Variants in RNF43 observed in about 807,000 individuals in gnomAD.
The protein encoded by RNF43 is ring finger protein 43.
Under a neutral mutation model 78.4 loss-of-function variants are expected in RNF43, and 37 were observed. That is an observed-to-expected ratio of 0.47 (90% CI 0.36 to 0.62). The LOEUF (loss-of-function observed/expected upper bound fraction) is 0.62, where lower values mean the gene tolerates loss of function less well. Among genes scored for constraint, RNF43 ranks in the 20% least tolerant of loss-of-function variants. The probability of loss-of-function intolerance (pLI) is 0.00; values close to 1 mark genes in which losing one functional copy is unlikely to be tolerated. For synonymous variants in RNF43, 347 were observed against 395.0 expected, an observed-to-expected ratio of 0.88 and a Z score of 1.44; for missense variants, 774 against 1,007.9, an observed-to-expected ratio of 0.77 and a Z score of 3.14.
chr17:58,385,084 C>G (rs1376482809), intron 2 of RNF43, among the ~76,000 whole-genome samples: 2 of 152,178 alleles, frequency 1.3e-5, no homozygotes, highest in Non-Finnish European at 2.9e-5. Context: ...TAATACTATT[C>G]TAGTTCTTCC....
At chr17:58,367,815 G>A (rs979641717) in intron 3 of RNF43, among the ~76,000 whole-genome samples, 2 of 152,132 alleles carry the variant, frequency 1.3e-5, no homozygotes, top group East Asian at 3.8e-4. Flanking sequence ...GAAAAATACC[G>A]CAACCTTGTT....
intron 2 of RNF43, among the ~76,000 whole-genome samples, chr17:58,413,525 G>C (rs1026994794): frequency 2.0e-5 from 3 of 152,118 alleles, no homozygotes; most frequent in Non-Finnish European, 4.4e-5. Flanking sequence ...GCTAAGTTAT[G>C]ATGAAATTCC....
At chr17:58,382,581 T>C (rs1254489404) in intron 2 of RNF43, among the ~76,000 whole-genome samples, 2 of 152,218 alleles carry the variant, frequency 1.3e-5, no homozygotes, top group Non-Finnish European at 2.9e-5. Context: ...CTCACTTCTT[T>C]CTGGAGAAGC....
chr17:58,407,142 A>G (rs1439523938), intron 2 of RNF43, among the ~76,000 whole-genome samples: 2 of 142,320 alleles, frequency 1.4e-5, no homozygotes, highest in Non-Finnish European at 3.0e-5. Flanking sequence ...ACAGTGGCAC[A>G]ATCTTGGCTC....
At chr17:58,363,674 C>G (rs891676521) in intron 3 of RNF43, 74 bp from the exon 4 acceptor site, 1 of 1,254,276 alleles carries the variant, frequency 8.0e-7, no homozygotes, top group Non-Finnish European at 1.1e-6. Flanking sequence ...AGCCTCACCC[C>G]TCACACATCT....
chr17:58,379,164 C>T (rs1380955384), intron 2 of RNF43, among the ~76,000 whole-genome samples: 1 of 152,096 alleles, frequency 6.6e-6, no homozygotes, highest in Non-Finnish European at 1.5e-5. Flanking sequence ...TTTTCTGTGG[C>T]ATGGTAAGCA....
intron 2 of RNF43, among the ~76,000 whole-genome samples, chr17:58,400,846 A>G (rs1973781350): frequency 6.6e-6 from 1 of 152,164 alleles, no homozygotes; most frequent in African/African-American, 2.4e-5. Context: ...CCAGTTATAC[A>G]TAAGTTAGAA....
chr17:58,397,472 C>A (rs1489753685), intron 2 of RNF43, among the ~76,000 whole-genome samples: 1 of 152,036 alleles, frequency 6.6e-6, no homozygotes, highest in African/African-American at 2.4e-5. Context: ...ACCAGCCAGG[C>A]CAACATGGTG....
At chr17:58,416,229 A>G (rs1394784095) in intron 1 of RNF43, 8 of 153,436 alleles carry the variant, frequency 5.2e-5, no homozygotes, top group African/African-American at 1.9e-4. Flanking sequence ...ATTAAACTGT[A>G]TTTCAGTGTG....
At chr17:58,390,277 A>G (rs1202632772) in intron 2 of RNF43, among the ~76,000 whole-genome samples, 1 of 152,234 alleles carries the variant, frequency 6.6e-6, no homozygotes, top group African/African-American at 2.4e-5. Context: ...CTAATAAGTT[A>G]TAAGGGCCCC....
intron 2 of RNF43, among the ~76,000 whole-genome samples, chr17:58,383,434 T>C (rs564496503): frequency 1.2e-4 from 18 of 152,194 alleles, no homozygotes; most frequent in African/African-American, 3.9e-4. Context: ...TGGCTGGGAC[T>C]ACAGGAGCAC....
At chr17:58,355,332 A>G (rs1009094614) in intron 9 of RNF43, among the ~76,000 whole-genome samples, 1 of 152,234 alleles carries the variant, frequency 6.6e-6, no homozygotes, top group Non-Finnish European at 1.5e-5. Context: ...TTTTGGAGAG[A>G]AAGTATGAAA....
chr17:58,400,350 T>C (rs1838546781), intron 2 of RNF43, among the ~76,000 whole-genome samples: 1 of 152,238 alleles, frequency 6.6e-6, no homozygotes, highest in Non-Finnish European at 1.5e-5. Context: ...TGCTTAGTTA[T>C]GTTAAGCTGA....
At chr17:58,395,623 G>T (rs1005735769) in intron 2 of RNF43, among the ~76,000 whole-genome samples, 4 of 152,162 alleles carry the variant, frequency 2.6e-5, no homozygotes, top group Non-Finnish European at 5.9e-5. Flanking sequence ...TCACTATAAA[G>T]ATCAGGTGTT....
At position 58,355,002 on chromosome 17, in the gene RNF43, G is replaced by A. The variant is rs761214887; in HGVS notation, c.2309-16C>T. 10 of 1,612,986 alleles carry A rather than the reference G, an allele frequency of 6.2e-6. No individual in the cohort carries two copies. Among genetic ancestry groups the A allele is most frequent in the Admixed American group, 5.0e-5 (3 of 59,988 alleles). ...TCCTCTGAGCCTGTATTTAGAGAGC[G>A]GGGAGGAAAGAGGTCATTGAGGGTC... On this transcript the variant is annotated splice_polypyrimidine_tract_variant and intron_variant, in intron 9 of 9. Coordinates refer to ENST00000407977, the MANE Select transcript of RNF43 (RefSeq NM_017763.6).
At chr17:58,393,213 G>C (rs1973596821) in intron 2 of RNF43, among the ~76,000 whole-genome samples, 1 of 152,150 alleles carries the variant, frequency 6.6e-6, no homozygotes, top group African/African-American at 2.4e-5. Flanking sequence ...TTCGAGACCA[G>C]CCTAATCAAA....
Position 58,354,168 on chromosome 17 carries a change from CA to C in RNF43, c.*774del, listed in dbSNP as rs1264177101. The C allele has an allele frequency of 4.9e-6, 1 of 203,374 alleles. No individual in the cohort carries two copies. Among genetic ancestry groups the C allele is most frequent in the African/African-American group, 2.3e-5 (1 of 43,658 alleles). The allele number at this position is 203,374 out of a possible 1,614,324, so 12.6% of individuals were successfully genotyped here. Reference sequence around the variant, plus strand: ...AATTCTGCCTTTTCTACCTTCATTCCATCCTTCCTCTGCCCAGATAAAGTCC... The same window carrying C: ...AATTCTGCCTTTTCTACCTTCATTCCTCCTTCCTCTGCCCAGATAAAGTCC... On this transcript the variant is annotated 3_prime_UTR_variant, in exon 10 of 10. Transcript: ENST00000407977.
Position 58,357,765 on chromosome 17 carries a change from C to A in RNF43, c.2011G>T (p.Asp671Tyr), listed in dbSNP as rs1972721730. The change falls in exon 9 of 10, where the codon GAT becomes TAT. Residue 671 changes from aspartate to tyrosine, a missense_variant. Transcript: ENST00000407977. This position sits in a 1 kb window ranked among gnomAD's most constrained non-coding sequence, Gnocchi z 4.5. The part of the protein sequence containing the change: ...SEPTPGSRPQ[D>Y]ATVHPACQIF... ...TGGCAAGCTGGGTGCACAGTTGCAT[C>A]CTGGGGCCGAGAGCCAGGGGTGGGC... The A allele has an allele frequency of 6.2e-7, 1 of 1,613,556 alleles. No individual in the cohort carries two copies. The highest frequency in any genetic ancestry group is 1.1e-5 in the South Asian group (1 of 91,028).
intron 2 of RNF43, among the ~76,000 whole-genome samples, chr17:58,396,241 T>A (rs776826373): frequency 5.3e-5 from 8 of 152,074 alleles, no homozygotes; most frequent in Non-Finnish European, 1.2e-4. Flanking sequence ...GACTTGACAG[T>A]GGGCATGGAT....
Sources: gnomAD v4.1 joint callset for allele counts (sites outside exome capture counted in the v4.1 genomes callset) on GRCh38, gnomAD v4.1.1 for gene constraint, Gnocchi (gnomAD v3.1) non-coding constraint, MANE v1.5 for transcripts, NCBI Gene and HGNC (gene_info 2026-07-23, HGNC 2026-07-21) for gene names.